The following COL24A1 variants were observed in gnomAD, a reference collection of about 807,000 sequenced individuals.
The protein encoded by COL24A1 is collagen alpha-1(XXIV) chain.
In COL24A1, 224 loss-of-function variants were observed where a neutral mutation model predicts 253.9. That is an observed-to-expected ratio of 0.88 (90% CI 0.79 to 0.99). The LOEUF is 0.99. Ranked by LOEUF, COL24A1 falls within the 50% of genes least tolerant of loss-of-function variation. COL24A1 has a pLI of 0.00. For missense variants in COL24A1, 2,131 were observed against 2,068.5 expected (o/e 1.03, Z -0.59); for synonymous variants, 685 against 673.7 (o/e 1.02, Z -0.26).
chr1:85,895,333 C>A lies in COL24A1; in HGVS notation c.2922+525G>T, dbSNP rs531699850. Among the ~76,000 whole-genome samples the A allele has an allele frequency of 1.6e-4, 24 of 152,208 alleles. 1 individual carries two copies. The South Asian group carries it at 2.3e-3, about 14-fold the overall frequency. On this transcript the variant is annotated intron_variant, in intron 31 of 59. Transcript: ENST00000370571. ...TGGGAAGGCATGAAGACACACACAGCTCTATACTCCAAAGGCCTAAAAGGA... is the reference window on the plus strand; with the variant it reads ...TGGGAAGGCATGAAGACACACACAGATCTATACTCCAAAGGCCTAAAAGGA...
intron 5 of COL24A1, among the ~76,000 whole-genome samples, chr1:86,106,291 T>C (rs1704974863): frequency 6.6e-6 from 1 of 151,966 alleles, no homozygotes; most frequent in Non-Finnish European, 1.5e-5. Context: ...CTCTTTGGTG[T>C]TCAATACTTT....
intron 37 of COL24A1, among the ~76,000 whole-genome samples, chr1:85,866,959 C>A (rs2102500461): frequency 6.6e-6 from 1 of 152,198 alleles, no homozygotes; most frequent in African/African-American, 2.4e-5. Flanking sequence ...TAATCTTATA[C>A]TTCTGGTTTA....
intron 45 of COL24A1, 88 bp from the exon 46 acceptor site, chr1:85,818,175 G>T: frequency 2.0e-6 from 2 of 1,020,108 alleles, no homozygotes; most frequent in Non-Finnish European, 3.1e-6. Flanking sequence ...CCTGGACGCT[G>T]CAGCAAGAAC....
intron 31 of COL24A1, among the ~76,000 whole-genome samples, chr1:85,890,694 T>A (rs900717445): frequency 6.6e-6 from 1 of 152,178 alleles, no homozygotes; most frequent in Non-Finnish European, 1.5e-5. Context: ...TTATTTTAAA[T>A]CTGAATTTCT....
chr1:85,926,421 A>G (rs999386372), intron 24 of COL24A1, among the ~76,000 whole-genome samples: 1 of 152,218 alleles, frequency 6.6e-6, no homozygotes, highest in Non-Finnish European at 1.5e-5. Flanking sequence ...ACCAACCCAA[A>G]TGTCCATCAA....
intron 13 of COL24A1, among the ~76,000 whole-genome samples, chr1:86,032,297 A>G (rs147544624): frequency 6.6e-6 from 1 of 152,300 alleles, no homozygotes; most frequent in African/African-American, 2.4e-5. Context: ...GGTTAGAAAA[A>G]CATTTTCAGA....
chr1:85,777,180 C>T (rs900226322), intron 52 of COL24A1, among the ~76,000 whole-genome samples: 1 of 151,886 alleles, frequency 6.6e-6, no homozygotes, highest in Non-Finnish European at 1.5e-5. Flanking sequence ...AATCTCCTGA[C>T]CTCGTGATCC....
chr1:85,926,783 T>C (rs1028121198), intron 24 of COL24A1, among the ~76,000 whole-genome samples: 17 of 151,972 alleles, frequency 1.1e-4, no homozygotes, highest in African/African-American at 3.9e-4. Flanking sequence ...AACCTGCACG[T>C]TGTGCACATG....
intron 2 of COL24A1, among the ~76,000 whole-genome samples, chr1:86,141,277 T>C (rs1408515323): frequency 2.6e-5 from 4 of 152,198 alleles, no homozygotes; most frequent in Non-Finnish European, 5.9e-5. Context: ...GAATTCAGCA[T>C]TGAGGCTTCA....
intron 16 of COL24A1, 97 bp from the exon 17 acceptor site, chr1:86,022,688 T>C: frequency 2.9e-6 from 4 of 1,375,770 alleles, no homozygotes; most frequent in Non-Finnish European, 4.0e-6. Context: ...AATTTCTCTA[T>C]TTTTCTTACT....
At chr1:85,745,205 C>T (rs1665077467) in intron 56 of COL24A1, among the ~76,000 whole-genome samples, 1 of 152,048 alleles carries the variant, frequency 6.6e-6, no homozygotes, top group South Asian at 2.1e-4. Context: ...AAATTCCTTA[C>T]AAATAACAGT....
chr1:86,102,120 A>AGT, intron 5 of COL24A1, among the ~76,000 whole-genome samples: 1 of 152,014 alleles, frequency 6.6e-6, no homozygotes, highest in African/African-American at 2.4e-5. Flanking sequence ...TTCTTGGGAA[A>AGT]GTGTGTGTGT....
At chr1:86,089,879 A>G (rs1225184179) in intron 6 of COL24A1, among the ~76,000 whole-genome samples, 1 of 152,214 alleles carries the variant, frequency 6.6e-6, no homozygotes, top group Non-Finnish European at 1.5e-5. Context: ...CTACAAGTGC[A>G]TTGTGAAACA....
intron 6 of COL24A1, 42 bp from the exon 7 acceptor site, chr1:86,089,269 TGAA>T: frequency 6.9e-7 from 1 of 1,457,634 alleles, no homozygotes; most frequent in Non-Finnish European, 9.3e-7. Context: ...GAAAGAGAAC[TGAA>T]AATTAGAATT....
intron 20 of COL24A1, among the ~76,000 whole-genome samples, chr1:85,982,255 G>A (rs1303485374): frequency 6.6e-6 from 1 of 152,036 alleles, no homozygotes; most frequent in African/African-American, 2.4e-5. Context: ...CTAATTGCCA[G>A]GGGCTGTGGG....
At chr1:86,114,458 A>G (rs1705928413) in intron 4 of COL24A1, among the ~76,000 whole-genome samples, 1 of 152,082 alleles carries the variant, frequency 6.6e-6, no homozygotes, top group Non-Finnish European at 1.5e-5. Flanking sequence ...TCTCACAGAG[A>G]GGTAGGAGGA....
chr1:85,860,689 C>T (rs924457426), intron 37 of COL24A1, among the ~76,000 whole-genome samples: 2 of 152,150 alleles, frequency 1.3e-5, no homozygotes, highest in African/African-American at 4.8e-5. Context: ...TGCAGTGAGC[C>T]AAGATCGTGC....
intron 3 of COL24A1, among the ~76,000 whole-genome samples, chr1:86,116,168 TTCAA>T (rs993555269): frequency 2.7e-5 from 4 of 148,862 alleles, no homozygotes; most frequent in Non-Finnish European, 4.5e-5. Flanking sequence ...TGTTCATTCA[TTCAA>T]TTGTTACTGA....
At chr1:85,947,001 C>G (rs1009400760) in intron 24 of COL24A1, among the ~76,000 whole-genome samples, 1 of 152,052 alleles carries the variant, frequency 6.6e-6, no homozygotes, top group Non-Finnish European at 1.5e-5. Flanking sequence ...TTCTGAGTTT[C>G]GAAACCTTAG....
Sources: gnomAD v4.1 joint callset for allele counts (sites outside exome capture counted in the v4.1 genomes callset) on GRCh38, gnomAD v4.1.1 for gene constraint, MANE v1.5 for transcripts, NCBI Gene and HGNC (gene_info 2026-07-23, HGNC 2026-07-21) for gene names.